NRXN3: variants seen among roughly 807,000 people sequenced by gnomAD.
NRXN3 encodes the protein neurexin III.
NRXN3 carries 32 observed loss-of-function variants against 137.6 expected under a neutral mutation model. That is an observed-to-expected ratio of 0.23 (90% CI 0.18 to 0.31). The LOEUF (loss-of-function observed/expected upper bound fraction) is 0.31. Ranked by LOEUF, NRXN3 falls within the 10% of genes least tolerant of loss-of-function variation. The probability of loss-of-function intolerance (pLI) is 1.00; values close to 1 mark genes in which losing one functional copy is unlikely to be tolerated. For synonymous variants in NRXN3, 798 were observed against 784.5 expected (o/e 1.02, Z -0.29); for missense variants, 1,574 against 2,062.5 (o/e 0.76, Z 4.59).
At chr14:78,376,050 A>C (rs7157115) in intron 4 of NRXN3, among the ~76,000 whole-genome samples, 4,009 of 151,380 alleles carry the variant, frequency 0.026, 67 homozygotes, top group Middle Eastern at 0.041. Context: ...ATTCTCCTAA[A>C]GATAATATCA....
intron 4 of NRXN3, among the ~76,000 whole-genome samples, chr14:78,448,085 T>C (rs903287846): frequency 1.3e-5 from 2 of 152,222 alleles, no homozygotes; most frequent in African/African-American, 4.8e-5. Flanking sequence ...ACAGGTCAAA[T>C]ACTACCTTCT....
Position 79,649,357 on chromosome 14 carries a change from G to T in NRXN3, c.3445-14421G>T, listed in dbSNP as rs181821177. Among the ~76,000 whole-genome samples the T allele has an allele frequency of 2.0e-5, 3 of 152,104 alleles. No individual in the cohort carries two copies. The East Asian group carries it at 5.8e-4, about 29-fold the overall frequency. On this transcript the variant is annotated intron_variant, in intron 16 of 20. Coordinates refer to ENST00000335750, the MANE Select transcript of NRXN3 (RefSeq NM_001330195.2). ...TAAAGCTCTTCTCCTGATGGAAGAG[G>T]GATACCTACAGCAGAAAGCAAGGGA...
intron 1 of NRXN3, among the ~76,000 whole-genome samples, chr14:78,202,077 C>T (rs1164592587): frequency 3.9e-5 from 6 of 152,034 alleles, no homozygotes; most frequent in Admixed American, 1.3e-4. Flanking sequence ...GGGAGAAACT[C>T]CCATAGCTGC....
intron 4 of NRXN3, among the ~76,000 whole-genome samples, chr14:78,622,576 T>C (rs907498741): frequency 2.0e-5 from 3 of 152,224 alleles, no homozygotes; most frequent in Admixed American, 6.5e-5. Flanking sequence ...GAAAAGTGAA[T>C]AGTCTTCCAC....
intron 2 of NRXN3, among the ~76,000 whole-genome samples, chr14:78,270,167 G>A (rs1341922795): frequency 1.3e-5 from 2 of 152,154 alleles, no homozygotes. Context: ...TCTAGAACCT[G>A]CCTCTTAACC....
chr14:79,002,880 T>C (rs1336101782), intron 15 of NRXN3, among the ~76,000 whole-genome samples: 2 of 152,182 alleles, frequency 1.3e-5, no homozygotes. Flanking sequence ...CCAGCATCTG[T>C]TGTGTTTTGA....
At chr14:79,841,261 A>G (rs569424417) in intron 20 of NRXN3, among the ~76,000 whole-genome samples, 19 of 152,296 alleles carry the variant, frequency 1.2e-4, no homozygotes, top group African/African-American at 4.6e-4. Context: ...ATTCCCTGCA[A>G]TGAAGACAGA....
intron 15 of NRXN3, among the ~76,000 whole-genome samples, chr14:79,319,361 C>T (rs935273689): frequency 1.3e-5 from 2 of 152,146 alleles, no homozygotes; most frequent in Non-Finnish European, 2.9e-5. Context: ...ACTACACCCC[C>T]CTGAGCATCT....
At chr14:79,662,695 A>C (rs1228191266) in intron 16 of NRXN3, among the ~76,000 whole-genome samples, 1 of 152,110 alleles carries the variant, frequency 6.6e-6, no homozygotes, top group African/African-American at 2.4e-5. Context: ...AGCCCTCAGG[A>C]AGCTTCCAAT....
intron 16 of NRXN3, among the ~76,000 whole-genome samples, chr14:79,551,806 GT>G (rs371709372): frequency 4.7e-4 from 72 of 152,278 alleles, no homozygotes; most frequent in Non-Finnish European, 9.7e-4. Context: ...GAAGTTTCTA[GT>G]GTTTCTGGGC....
At chr14:79,223,133 C>T (rs7159960) in intron 15 of NRXN3, among the ~76,000 whole-genome samples, 4,183 of 152,168 alleles carry the variant, frequency 0.027, 140 homozygotes, top group South Asian at 0.086. Context: ...TCCTCTTTCA[C>T]AATAATTCCA....
At chr14:78,426,482 C>T (rs1407910831) in intron 4 of NRXN3, among the ~76,000 whole-genome samples, 1 of 152,210 alleles carries the variant, frequency 6.6e-6, no homozygotes, top group African/African-American at 2.4e-5. Context: ...AAGAGAATAG[C>T]ACACAAAATT....
At chr14:79,597,026 C>T (rs2097865021) in intron 16 of NRXN3, among the ~76,000 whole-genome samples, 1 of 152,096 alleles carries the variant, frequency 6.6e-6, no homozygotes, top group Non-Finnish European at 1.5e-5. Context: ...GGATCCCCTA[C>T]CTGGCAAAGG....
At chr14:79,808,280 G>A (rs61992429) in intron 20 of NRXN3, among the ~76,000 whole-genome samples, 3,393 of 143,172 alleles carry the variant, frequency 0.024, 59 homozygotes, top group African/African-American at 0.043. Flanking sequence ...ATATATGTAT[G>A]TATGTATGTA....
intron 15 of NRXN3, among the ~76,000 whole-genome samples, chr14:79,176,650 T>C (rs2062375165): frequency 6.6e-6 from 1 of 152,232 alleles, no homozygotes; most frequent in Admixed American, 6.5e-5. Flanking sequence ...TTCTCCTGAA[T>C]TGCTTATTCT....
intron 15 of NRXN3, among the ~76,000 whole-genome samples, chr14:79,408,048 A>G (rs985252912): frequency 4.6e-5 from 7 of 152,150 alleles, no homozygotes; most frequent in African/African-American, 1.7e-4. Context: ...AATTAAGAAG[A>G]ACTCAGGCCT....
At chr14:79,298,099 G>T (rs1454492095) in intron 15 of NRXN3, among the ~76,000 whole-genome samples, 1 of 151,738 alleles carries the variant, frequency 6.6e-6, no homozygotes, top group East Asian at 1.9e-4. Context: ...TCATTTCTCA[G>T]TCCTGAATCC....
chr14:79,052,182 C>T (rs2099642935), intron 15 of NRXN3, among the ~76,000 whole-genome samples: 1 of 151,996 alleles, frequency 6.6e-6, no homozygotes, highest in Non-Finnish European at 1.5e-5. Context: ...TGATGGTGGC[C>T]CTAAGACGTT....
chr14:78,232,090 G>A lies in NRXN3; in HGVS notation c.-703-10301G>A, dbSNP rs1359771855. Among the ~76,000 whole-genome samples the A allele has an allele frequency of 2.0e-5, 3 of 152,244 alleles. No homozygotes were observed. In the East Asian group the frequency reaches 5.8e-4, roughly 29 times the overall value. ...GCTTCCTGCCCCCTGGCATCACATT[G>A]CTCTGCAGGAGGTGTGGTCTGTGCC... On this transcript the variant is annotated intron_variant, in intron 1 of 20. Transcript: ENST00000335750.
Sources: gnomAD v4.1 joint callset for allele counts (sites outside exome capture counted in the v4.1 genomes callset) on GRCh38, gnomAD v4.1.1 for gene constraint, MANE v1.5 for transcripts, NCBI Gene and HGNC (gene_info 2026-07-23, HGNC 2026-07-21) for gene names.